Variants in AGTPBP1 observed in about 807,000 individuals in gnomAD.
The protein encoded by AGTPBP1 is ATP/GTP binding carboxypeptidase 1.
AGTPBP1 carries 70 observed loss-of-function variants against 143.9 expected under a neutral mutation model. The ratio of observed to expected loss-of-function variants is 0.49; its 90% confidence interval spans 0.40 to 0.59. The LOEUF (loss-of-function observed/expected upper bound fraction) is 0.59. AGTPBP1 is among the 20% of genes least tolerant of loss of function. The pLI, the probability that AGTPBP1 is intolerant of heterozygous loss-of-function variation, is 0.00. For synonymous variants in AGTPBP1, 463 were observed against 500.2 expected (o/e 0.93, Z 0.99); for missense variants, 1,229 against 1,464.5 (o/e 0.84, Z 2.62).
intron 1 of AGTPBP1, among the ~76,000 whole-genome samples, chr9:85,740,385 CA>C: frequency 6.6e-6 from 1 of 152,166 alleles, no homozygotes; most frequent in South Asian, 2.1e-4. Context: ...AAGAGCAAGT[CA>C]TATTAGAACT....
intron 2 of AGTPBP1, among the ~76,000 whole-genome samples, chr9:85,694,046 G>A (rs941511643): frequency 1.3e-5 from 2 of 149,858 alleles, no homozygotes; most frequent in African/African-American, 5.0e-5. Flanking sequence ...GTCAGAGTTG[G>A]GGGTAGGCAT....
intron 11 of AGTPBP1, among the ~76,000 whole-genome samples, chr9:85,651,876 C>T (rs1361288849): frequency 2.0e-5 from 3 of 152,182 alleles, no homozygotes; most frequent in Non-Finnish European, 2.9e-5. Flanking sequence ...CTAATGGATG[C>T]TGAAGACAAA....
chr9:85,612,521 A>G (rs556397456), intron 17 of AGTPBP1, among the ~76,000 whole-genome samples: 1 of 152,306 alleles, frequency 6.6e-6, no homozygotes, highest in South Asian at 2.1e-4. Flanking sequence ...TCTATCCTTT[A>G]TAATGAACTG....
upstream of AGTPBP1, among the ~76,000 whole-genome samples, chr9:85,744,830 C>T (rs1434088910): frequency 1.3e-5 from 2 of 152,212 alleles, no homozygotes; most frequent in South Asian, 2.1e-4. Flanking sequence ...TACTATCTGC[C>T]TAAAGCAAGC....
chr9:85,651,018 TA>T (rs1256773242), intron 11 of AGTPBP1, among the ~76,000 whole-genome samples: 2 of 152,234 alleles, frequency 1.3e-5, no homozygotes, highest in Non-Finnish European at 2.9e-5. Context: ...CCTGCTGTCT[TA>T]AGAGACTTCA....
intron 3 of AGTPBP1, among the ~76,000 whole-genome samples, chr9:85,692,031 A>G (rs1036297886): frequency 1.3e-5 from 2 of 152,178 alleles, no homozygotes; most frequent in African/African-American, 4.8e-5. Context: ...GTACCCAACC[A>G]CTAAATAGTA....
intron 18 of AGTPBP1, among the ~76,000 whole-genome samples, chr9:85,596,090 A>C (rs1829284645): frequency 6.6e-6 from 1 of 152,230 alleles, no homozygotes; most frequent in African/African-American, 2.4e-5. Flanking sequence ...AGAGTTTTAA[A>C]GCTGGAAAAG....
At chr9:85,567,454 T>C (rs1408743668) in intron 25 of AGTPBP1, among the ~76,000 whole-genome samples, 1 of 151,972 alleles carries the variant, frequency 6.6e-6, no homozygotes, top group African/African-American at 2.4e-5. Flanking sequence ...AGCCAGGCAG[T>C]AGTGGTCCAT....
intron 1 of AGTPBP1, among the ~76,000 whole-genome samples, chr9:85,721,487 C>T (rs1209397980): frequency 7.2e-6 from 1 of 139,278 alleles, no homozygotes; most frequent in African/African-American, 3.0e-5. Context: ...ATTGCAACCC[C>T]TGCTTTTTTT....
intron 8 of AGTPBP1, among the ~76,000 whole-genome samples, chr9:85,669,037 AC>A (rs897664121): frequency 4.2e-5 from 6 of 144,510 alleles, no homozygotes; most frequent in Non-Finnish European, 9.1e-5. Flanking sequence ...ACACACACAC[AC>A]ATCTCAGGAT....
At chr9:85,773,922 GTTCGTGAA>G in the AGTPBP1 span, 3 of 1,603,386 alleles carry the variant, frequency 1.9e-6, no homozygotes, top group African/African-American at 4.0e-5. Context: ...GGATAATATG[GTTCGTGAA>G]TTAGAATCTG....
chr9:85,616,322 G>T (rs970900856), intron 17 of AGTPBP1, among the ~76,000 whole-genome samples: 3 of 151,858 alleles, frequency 2.0e-5, no homozygotes, highest in African/African-American at 7.2e-5. Context: ...CCACTGCTTT[G>T]AATTAGTTTT....
At chr9:85,747,200 T>C in the AGTPBP1 span, among the ~76,000 whole-genome samples, 1 of 152,194 alleles carries the variant, frequency 6.6e-6, no homozygotes, top group African/African-American at 2.4e-5. Flanking sequence ...AGATATATGG[T>C]TACTAAACTC....
chr9:85,577,900 C>T (rs189126647), intron 24 of AGTPBP1, among the ~76,000 whole-genome samples: 15 of 152,268 alleles, frequency 9.9e-5, no homozygotes, highest in Admixed American at 6.5e-4. Flanking sequence ...AATATGTTTA[C>T]ATTTTAAATG....
chr9:85,801,430 T>C, the AGTPBP1 span, among the ~76,000 whole-genome samples: 2 of 152,182 alleles, frequency 1.3e-5, no homozygotes, highest in Non-Finnish European at 2.9e-5. Context: ...TAAAACAGGG[T>C]ATCTAGCTCT....
chr9:85,800,729 A>G, the AGTPBP1 span, among the ~76,000 whole-genome samples: 1 of 152,076 alleles, frequency 6.6e-6, no homozygotes, highest in Non-Finnish European at 1.5e-5. Context: ...GCAATTCCAT[A>G]ATAATTAGAA....
At chr9:85,703,953 A>T (rs1034361056) in intron 2 of AGTPBP1, among the ~76,000 whole-genome samples, 34 of 152,380 alleles carry the variant, frequency 2.2e-4, no homozygotes, top group African/African-American at 8.2e-4. Context: ...AATAAGTTTC[A>T]AATAGGAGGG....
intron 25 of AGTPBP1, among the ~76,000 whole-genome samples, chr9:85,562,769 A>G (rs192017904): frequency 4.0e-4 from 61 of 152,322 alleles, no homozygotes; most frequent in African/African-American, 1.4e-3. Context: ...GATGGTTCAC[A>G]GTATTGTAAA....
chr9:85,593,252 T>C (rs1267863827), intron 18 of AGTPBP1, among the ~76,000 whole-genome samples: 6 of 152,130 alleles, frequency 3.9e-5, no homozygotes, highest in African/African-American at 1.4e-4. Context: ...TTATAGGAAA[T>C]TGGTGAAACA....
Sources: gnomAD v4.1 joint callset for allele counts (sites outside exome capture counted in the v4.1 genomes callset) on GRCh38, gnomAD v4.1.1 for gene constraint, MANE v1.5 for transcripts, NCBI Gene and HGNC (gene_info 2026-07-23, HGNC 2026-07-21) for gene names.